Variants in ESR1 observed in about 807,000 individuals in gnomAD.
ESR1 encodes the protein estrogen receptor 1, also known as estrogen receptor.
In ESR1, 12 loss-of-function variants were observed where a neutral mutation model predicts 52.7. That is an observed-to-expected ratio of 0.23 (90% confidence interval 0.15 to 0.37). ESR1 has a LOEUF of 0.37. Among genes scored for constraint, ESR1 ranks in the 10% least tolerant of loss-of-function variants. ESR1 has a pLI of 1.00. For synonymous variants in ESR1, 305 were observed against 316.8 expected (o/e 0.96, Z 0.39); for missense variants, 584 against 779.7 (o/e 0.75, Z 2.99).
intron 6 of ESR1, among the ~76,000 whole-genome samples, chr6:152,089,587 A>G (rs1412081875): frequency 1.3e-5 from 2 of 152,112 alleles, no homozygotes; most frequent in Non-Finnish European, 2.9e-5. Flanking sequence ...ACTTTTCACT[A>G]CTTTTTTTTG....
rs193280503 is a variant in ESR1 at position 151,706,112 on chromosome 6, A to T, written c.-71+4107A>T. On this transcript the variant is annotated intron_variant, in intron 2 of 2. Coordinates refer to the ESR1 transcript ENST00000404742. The stretch of plus-strand genomic sequence containing the variant: ...ATGATGCCAGAGAAAGCCAGACACC[A>T]GCAGCTGGAATCAGCTAAGACCTAA... 7.2e-4 allele frequency among the ~76,000 whole-genome samples: 110 copies of T among 152,366 alleles called. 1 individual carries two copies. Among genetic ancestry groups the T allele is most frequent in the Non-Finnish European group, 1.3e-3 (90 of 68,032 alleles).
At chr6:151,967,322 T>A (rs1165503142) in intron 4 of ESR1, among the ~76,000 whole-genome samples, 1 of 152,186 alleles carries the variant, frequency 6.6e-6, no homozygotes, top group Non-Finnish European at 1.5e-5. Context: ...TCCTAAATGC[T>A]ATCCTTCGCC....
At chr6:152,010,803 T>C (rs2042700582) in intron 4 of ESR1, among the ~76,000 whole-genome samples, 1 of 152,014 alleles carries the variant, frequency 6.6e-6, no homozygotes, top group Admixed American at 6.6e-5. Flanking sequence ...CATAAATAAA[T>C]TGTGTACAAG....
At chr6:152,084,538 A>C (rs1486068537) in intron 6 of ESR1, among the ~76,000 whole-genome samples, 1 of 152,126 alleles carries the variant, frequency 6.6e-6, no homozygotes, top group African/African-American at 2.4e-5. Context: ...TTTTCTTCCC[A>C]GTCTCGAGTA....
chr6:151,728,216 A>G (rs759369265), intron 2 of ESR1, among the ~76,000 whole-genome samples: 66 of 152,154 alleles, frequency 4.3e-4, no homozygotes, highest in Admixed American at 7.2e-4. Context: ...ATGATGTTCT[A>G]TTTACCCAAT....
At chr6:151,861,180 T>G (rs1514348) in intron 2 of ESR1, among the ~76,000 whole-genome samples, 70,865 of 151,876 alleles carry the variant, frequency 0.47, 17,427 homozygotes, top group African/African-American at 0.64. Context: ...AGTCTGCATT[T>G]TCCATTCAGC....
rs541895194 is a variant in ESR1 at position 151,669,147 on chromosome 6, GGAGAGA to G, written n.73+12421_73+12426del. 6.3e-3 allele frequency among the ~76,000 whole-genome samples: 435 copies of G among 69,292 alleles called. 16 individuals carry two copies. The highest frequency in any genetic ancestry group is 0.033 in the African/African-American group (399 of 11,966). The allele number at this position is 69,292 out of a possible 152,430, so 45.5% of individuals were successfully genotyped here. On this transcript the variant is annotated intron_variant and non_coding_transcript_variant, in intron 1 of 2. Transcript: ENST00000473497. The stretch of plus-strand genomic sequence containing the variant: ...GTGGTAGGAAGCTCTTTGGGAGCTG[GGAGAGA>G]GAGAGAGAGAGAGAGAGAGAGAGAG...
intron 1 of ESR1, among the ~76,000 whole-genome samples, chr6:151,659,843 T>C (rs911239558): frequency 6.6e-6 from 1 of 152,216 alleles, no homozygotes; most frequent in Non-Finnish European, 1.5e-5. Context: ...TTATGACTGA[T>C]CATTAAAGCC....
At chr6:151,803,811 C>T (rs1478235564), upstream of ESR1, among the ~76,000 whole-genome samples, 1 of 151,960 alleles carries the variant, frequency 6.6e-6, no homozygotes, top group Non-Finnish European at 1.5e-5. Flanking sequence ...AATCAGCCCT[C>T]GAAGAAGACA....
intron 4 of ESR1, among the ~76,000 whole-genome samples, chr6:152,009,440 C>T (rs1002119512): frequency 2.1e-4 from 32 of 152,040 alleles, no homozygotes; most frequent in Admixed American, 9.2e-4. Context: ...TACAGTATAG[C>T]AAAATGATCT....
At chr6:151,971,801 G>A (rs969743372) in intron 4 of ESR1, among the ~76,000 whole-genome samples, 3 of 151,736 alleles carry the variant, frequency 2.0e-5, no homozygotes, top group Non-Finnish European at 4.4e-5. Flanking sequence ...AAGAAATAAC[G>A]AAGATCAGAG....
chr6:151,799,709 G>A (rs984838689), upstream of ESR1, among the ~76,000 whole-genome samples: 1 of 152,310 alleles, frequency 6.6e-6, no homozygotes. Flanking sequence ...AGGGAGATAC[G>A]AGCATTTATA....
At chr6:151,778,826 T>G (rs554849243) in intron 2 of ESR1, among the ~76,000 whole-genome samples, 1 of 152,224 alleles carries the variant, frequency 6.6e-6, no homozygotes, top group South Asian at 2.1e-4. Flanking sequence ...AAAAAGATAC[T>G]TTTTTTGCCA....
intron 4 of ESR1, among the ~76,000 whole-genome samples, chr6:151,977,876 AGTGTAT>A (rs1237891384): frequency 6.6e-6 from 1 of 151,156 alleles, no homozygotes; most frequent in Non-Finnish European, 1.5e-5. Context: ...TGGAATTTCA[AGTGTAT>A]GCACCAACCC....
intron 2 of ESR1, among the ~76,000 whole-genome samples, chr6:151,784,543 A>G (rs972118770): frequency 6.6e-6 from 1 of 152,180 alleles, no homozygotes; most frequent in Non-Finnish European, 1.5e-5. Context: ...TCTAAAAATT[A>G]GTGTTTGTAT....
At chr6:151,996,171 T>C (rs1180941369) in intron 4 of ESR1, among the ~76,000 whole-genome samples, 1 of 152,190 alleles carries the variant, frequency 6.6e-6, no homozygotes, top group East Asian at 1.9e-4. Flanking sequence ...CCTCCTTGTT[T>C]GCATCTGAAG....
At chr6:151,867,648 A>G (rs1790185898) in intron 2 of ESR1, among the ~76,000 whole-genome samples, 1 of 152,214 alleles carries the variant, frequency 6.6e-6, no homozygotes. Flanking sequence ...GTCAGGAAAC[A>G]ACAGATGCTA....
chr6:152,096,697 C>T (rs930039974), intron 7 of ESR1: 5 of 455,800 alleles, frequency 1.1e-5, no homozygotes, highest in Middle Eastern at 3.2e-4. Context: ...GAAGGAATCA[C>T]GTCTGTCAGG....
chr6:152,025,181 G>A (rs1201506911), intron 5 of ESR1, among the ~76,000 whole-genome samples: 2 of 145,186 alleles, frequency 1.4e-5, no homozygotes, highest in Non-Finnish European at 3.0e-5. Flanking sequence ...TCAAATTTGT[G>A]CTTTGTGTGT....
Sources: allele counts gnomAD v4.1 joint callset (sites outside exome capture counted in the v4.1 genomes callset), GRCh38; gene constraint gnomAD v4.1.1; transcripts MANE v1.5; gene names NCBI Gene and HGNC (gene_info 2026-07-23, HGNC 2026-07-21).